The following TDRD5 variants were observed in gnomAD, a reference collection of about 807,000 sequenced individuals.
TDRD5 encodes tudor domain-containing protein 5.
A neutral mutation model predicts 120.6 loss-of-function variants in TDRD5; 41 were observed. The observed-to-expected ratio is 0.34, with a 90% CI of 0.26 to 0.44. TDRD5 has a LOEUF of 0.44. Ranked by LOEUF, TDRD5 falls within the 20% of genes least tolerant of loss-of-function variation. The pLI is 1.00. For missense variants in TDRD5, 1,006 were observed against 1,221.2 expected, an observed-to-expected ratio of 0.82 and a Z score of 2.63; for synonymous variants, 430 against 433.7, an observed-to-expected ratio of 0.99 and a Z score of 0.11.
intron 17 of TDRD5, among the ~76,000 whole-genome samples, chr1:179,670,386 C>T (rs908316973): frequency 2.7e-5 from 4 of 147,840 alleles, no homozygotes; most frequent in South Asian, 2.1e-4. Flanking sequence ...AGTGAGACTC[C>T]GTCTCAAAAA....
rs1679725369 is a variant in TDRD5 at position 179,669,190 on chromosome 1, G to T, written c.2650-4G>T. ...GTTTTTGCCCCATTTTTCCCATTCT[G>T]CAGCAACTAGACATAAATGGTTCTT... On this transcript the variant is annotated splice_region_variant and splice_polypyrimidine_tract_variant and intron_variant, in intron 16 of 17. Transcript: ENST00000444136. The T allele has an allele frequency of 6.2e-7, 1 of 1,608,946 alleles. No homozygotes were observed.
chr1:179,647,828 C>CA (rs1678471868), intron 11 of TDRD5, among the ~76,000 whole-genome samples: 1 of 143,772 alleles, frequency 7.0e-6, no homozygotes, highest in Non-Finnish European at 1.5e-5. Context: ...TTTATGCAGC[C>CA]AAAAAACATA....
intron 13 of TDRD5, 135 bp from the exon 14 acceptor site, chr1:179,654,066 C>A: frequency 1.5e-6 from 1 of 668,418 alleles, no homozygotes; most frequent in Non-Finnish European, 2.3e-6. Flanking sequence ...GACCTAGGAT[C>A]ATGGATAAAG....
At chr1:179,644,799 C>G (rs890177107) in intron 11 of TDRD5, among the ~76,000 whole-genome samples, 2 of 151,816 alleles carry the variant, frequency 1.3e-5, no homozygotes, top group African/African-American at 4.8e-5. Context: ...GTTTGGCTTT[C>G]TTGTTTCTAT....
At chr1:179,645,122 G>C (rs1572390996) in intron 11 of TDRD5, among the ~76,000 whole-genome samples, 1 of 110,554 alleles carries the variant, frequency 9.0e-6, no homozygotes, top group Admixed American at 1.3e-4. Context: ...GTCTCGCTCT[G>C]TCGCCCAGGC....
intron 17 of TDRD5, among the ~76,000 whole-genome samples, chr1:179,680,419 T>C (rs1383587364): frequency 6.6e-6 from 1 of 152,218 alleles, no homozygotes; most frequent in Admixed American, 6.5e-5. Context: ...GATTTGTCTT[T>C]TTCTTTTTTC....
intron 4 of TDRD5, among the ~76,000 whole-genome samples, chr1:179,605,033 G>C (rs1290175537): frequency 6.6e-6 from 1 of 152,056 alleles, no homozygotes; most frequent in Non-Finnish European, 1.5e-5. Context: ...ATTAGTAATT[G>C]TTTTATAAAT....
chr1:179,675,267 A>ATTT (rs1451321142), intron 17 of TDRD5, among the ~76,000 whole-genome samples: 35 of 27,742 alleles, frequency 1.3e-3, no homozygotes, highest in Non-Finnish European at 2.0e-3. Flanking sequence ...TATTATTATT[A>ATTT]TTATTATTTT....
intron 4 of TDRD5, among the ~76,000 whole-genome samples, chr1:179,607,445 C>T (rs1676037352): frequency 1.3e-5 from 2 of 152,092 alleles, no homozygotes; most frequent in African/African-American, 4.8e-5. Context: ...TTTGCTAGGA[C>T]TCCAGCAAGA....
At chr1:179,688,156 T>A (rs1275371630) in intron 17 of TDRD5, among the ~76,000 whole-genome samples, 1 of 152,228 alleles carries the variant, frequency 6.6e-6, no homozygotes, top group Non-Finnish European at 1.5e-5. Context: ...TCTTTACAAT[T>A]TGGCACGTTT....
chr1:179,641,342 C>T (rs1043019912), intron 11 of TDRD5, among the ~76,000 whole-genome samples: 1 of 152,148 alleles, frequency 6.6e-6, no homozygotes, highest in Non-Finnish European at 1.5e-5. Context: ...CCAGCCTGGC[C>T]AACATGGTGA....
At chr1:179,592,246 C>T (rs1675147363) in intron 1 of TDRD5, 121 bp downstream of exon 1, 2 of 196,882 alleles carry the variant, frequency 1.0e-5, no homozygotes, top group Non-Finnish European at 1.0e-5. Context: ...CCTCGCCCTG[C>T]AGGGCGGAGG....
chr1:179,675,779 C>T (rs1680114237), intron 17 of TDRD5, among the ~76,000 whole-genome samples: 1 of 152,112 alleles, frequency 6.6e-6, no homozygotes, highest in African/African-American at 2.4e-5. Context: ...GTTTTGTGGC[C>T]TATCATGTGG....
In TDRD5 at chr1:179,674,194, G is replaced by A. The variant is rs147205127; in HGVS notation, c.2860+4790G>A. ...TGTTGGCTGTGAGTTTGTCATAGATGGATTTTATTACCTTAAGGTATGTCC... is the reference window on the plus strand; with the variant it reads ...TGTTGGCTGTGAGTTTGTCATAGATAGATTTTATTACCTTAAGGTATGTCC... On this transcript the variant is annotated intron_variant, in intron 17 of 17. Coordinates refer to ENST00000444136, the MANE Select transcript of TDRD5 (RefSeq NM_001199085.3). Among the ~76,000 whole-genome samples, 1,051 of 152,200 alleles carry A rather than the reference G, an allele frequency of 6.9e-3. 13 individuals carry two copies. Among genetic ancestry groups the A allele is most frequent in the Non-Finnish European group, 0.01 (700 of 68,004 alleles).
At chr1:179,660,078 A>G (rs943344070) in intron 14 of TDRD5, among the ~76,000 whole-genome samples, 1 of 151,882 alleles carries the variant, frequency 6.6e-6, no homozygotes, top group East Asian at 1.9e-4. Flanking sequence ...ATGTGATTAT[A>G]TATATGTTTT....
chr1:179,630,912 T>A lies in TDRD5; in HGVS notation c.1118T>A (p.Leu373Gln). Residue 373 changes from leucine to glutamine, a missense_variant, in exon 7 of 18, where the codon CTA becomes CAA. Transcript: ENST00000444136. ...GTGTTTGATGCGGATAAGAAGCCTCTACCACCTGGTGAGTGGAACCACAGT... is the reference window on the plus strand; with the variant it reads ...GTGTTTGATGCGGATAAGAAGCCTCAACCACCTGGTGAGTGGAACCACAGT... ...LLVFDADKKPLPPVQSDKKIE... is the reference protein window; with the variant it reads ...LLVFDADKKPQPPVQSDKKIE... The A allele has an allele frequency of 6.2e-7, 1 of 1,612,704 alleles. No individual in the cohort carries two copies. Among genetic ancestry groups the A allele is most frequent in the South Asian group, 1.1e-5 (1 of 90,796 alleles).
chr1:179,680,309 G>A (rs1261095352), intron 17 of TDRD5, among the ~76,000 whole-genome samples: 2 of 152,140 alleles, frequency 1.3e-5, no homozygotes, highest in Admixed American at 6.5e-5. Context: ...ATCAAGTCAA[G>A]GTGATGAATA....
chr1:179,686,566 T>C (rs1165647471), intron 17 of TDRD5, among the ~76,000 whole-genome samples: 2 of 152,218 alleles, frequency 1.3e-5, no homozygotes, highest in South Asian at 4.1e-4. Flanking sequence ...TAAAATGAGT[T>C]GGGGAGGATT....
At chr1:179,675,279 T>TATTTTA (rs1558424205) in intron 17 of TDRD5, among the ~76,000 whole-genome samples, 31 of 119,468 alleles carry the variant, frequency 2.6e-4, no homozygotes, top group South Asian at 1.2e-3. Context: ...TATTATTTTT[T>TATTTTA]TTTTTTTTTT....
Sources: allele counts gnomAD v4.1 joint callset (sites outside exome capture counted in the v4.1 genomes callset), GRCh38; gene constraint gnomAD v4.1.1; transcripts MANE v1.5; gene names NCBI Gene and HGNC (gene_info 2026-07-23, HGNC 2026-07-21).